Variants in CDH18 observed in about 807,000 individuals in gnomAD.
CDH18 encodes the protein cadherin-18.
A neutral mutation model predicts 67.9 loss-of-function variants in CDH18; 31 were observed. The ratio of observed to expected loss-of-function variants is 0.46; its 90% CI spans 0.34 to 0.62. The LOEUF is 0.62. CDH18 is among the 20% of genes least tolerant of loss of function. The pLI, the probability that CDH18 is intolerant of heterozygous loss-of-function variation, is 0.01. For missense variants in CDH18, 890 were observed against 975.5 expected (o/e 0.91, Z 1.17); for synonymous variants, 362 against 347.2 (o/e 1.04, Z -0.48).
intron 2 of CDH18, among the ~76,000 whole-genome samples, chr5:19,994,855 TAGAGAGAG>T (rs1554078420): frequency 1.2e-4 from 8 of 67,586 alleles, no homozygotes; most frequent in Non-Finnish European, 1.8e-4. Flanking sequence ...TATATATATA[TAGAGAGAG>T]AGAGAGAGAG....
At chr5:19,880,184 C>G (rs1039290774) in intron 2 of CDH18, among the ~76,000 whole-genome samples, 3 of 151,710 alleles carry the variant, frequency 2.0e-5, no homozygotes, top group African/African-American at 7.3e-5. Context: ...CTAACTGACC[C>G]AAAACCACAC....
chr5:20,337,021 G>A (rs894334637), intron 1 of CDH18, among the ~76,000 whole-genome samples: 2 of 152,236 alleles, frequency 1.3e-5, no homozygotes, highest in African/African-American at 4.8e-5. Context: ...TTTGGGCAAA[G>A]CCCATAGAAG....
Position 19,994,855 on chromosome 5 carries a change from T to TATATATAGAGAG in CDH18, c.-517-2842_-517-2841insCTCTCTATATAT, listed in dbSNP as rs760777430. ...ATATATATATATATATATATATATA[T>TATATATAGAGAG]AGAGAGAGAGAGAGAGAGAGAGATG... is the stretch of plus-strand genomic sequence containing the variant. On this transcript the variant is annotated intron_variant, in intron 2 of 14. Coordinates refer to the CDH18 transcript ENST00000507958. Among the ~76,000 whole-genome samples, 84 of 67,582 alleles carry TATATATAGAGAG rather than the reference T, an allele frequency of 1.2e-3. 6 individuals carry two copies. The highest frequency in any genetic ancestry group is 0.012 in the East Asian group (22 of 1,870). 44.3% of individuals were successfully genotyped at this position (67,582 alleles called of 152,430 possible). A position where few individuals can be genotyped will look rare whatever the true frequency, so the allele number is the denominator to read the frequency against.
At chr5:20,094,950 T>C (rs1251527826) in intron 2 of CDH18, among the ~76,000 whole-genome samples, 1 of 152,094 alleles carries the variant, frequency 6.6e-6, no homozygotes. Flanking sequence ...ATGTGGCACA[T>C]ATATACCATG....
At chr5:20,280,183 T>A (rs910831532) in intron 1 of CDH18, among the ~76,000 whole-genome samples, 4 of 151,896 alleles carry the variant, frequency 2.6e-5, no homozygotes, top group African/African-American at 9.7e-5. Flanking sequence ...TTTATTTATT[T>A]ATTTATTTTA....
At chr5:20,138,664 C>T (rs147212183) in intron 2 of CDH18, among the ~76,000 whole-genome samples, 1,765 of 152,206 alleles carry the variant, frequency 0.012, 28 homozygotes, top group African/African-American at 0.04. Context: ...TTCCTATACA[C>T]CAATAGCAGA....
At chr5:19,994,867 G>T (rs1316373162) in intron 2 of CDH18, among the ~76,000 whole-genome samples, 6 of 135,084 alleles carry the variant, frequency 4.4e-5, no homozygotes, top group Non-Finnish European at 6.3e-5. Context: ...GAGAGAGAGA[G>T]AGAGAGAGAG....
At chr5:20,450,900 A>G (rs541363206) in intron 1 of CDH18, among the ~76,000 whole-genome samples, 113 of 152,306 alleles carry the variant, frequency 7.4e-4, no homozygotes, top group African/African-American at 2.6e-3. Context: ...GAGCAAAGTC[A>G]CGTCTTACAT....
chr5:19,612,385 T>C lies in CDH18; in HGVS notation c.811+49A>G, dbSNP rs569601039. Reference sequence around the variant, plus strand: ...ACTGTTCAAGTATTTCATTTTACTTTACATAAAGAGATAATGATAAATTCA... The same window carrying C: ...ACTGTTCAAGTATTTCATTTTACTTCACATAAAGAGATAATGATAAATTCA... On this transcript the variant is annotated intron_variant, in intron 6 of 12. Coordinates refer to ENST00000382275, the MANE Select transcript of CDH18 (RefSeq NM_004934.5). The C allele has an allele frequency of 5.0e-5, 79 of 1,567,676 alleles. 2 individuals carry two copies. In the South Asian group the frequency reaches 8.5e-4, roughly 17 times the overall value.
intron 1 of CDH18, among the ~76,000 whole-genome samples, chr5:20,392,265 A>G (rs916688576): frequency 1.3e-5 from 2 of 151,878 alleles, no homozygotes; most frequent in African/African-American, 4.8e-5. Flanking sequence ...AATTTGAAAA[A>G]GTTTTTAAAA....
chr5:19,935,398 T>C (rs77643679), intron 2 of CDH18, among the ~76,000 whole-genome samples: 2,496 of 151,440 alleles, frequency 0.016, 75 homozygotes, highest in African/African-American at 0.057. Context: ...AGTGGTCCTA[T>C]AAGATTTTGC....
chr5:19,786,027 C>T (rs1258782679), intron 3 of CDH18, among the ~76,000 whole-genome samples: 2 of 151,662 alleles, frequency 1.3e-5, no homozygotes, highest in Non-Finnish European at 2.9e-5. Flanking sequence ...ATTACAGTAA[C>T]GAGACATATT....
intron 2 of CDH18, among the ~76,000 whole-genome samples, chr5:20,103,826 G>C (rs984860331): frequency 1.4e-5 from 2 of 147,212 alleles, no homozygotes; most frequent in East Asian, 2.0e-4. Context: ...AAAAAAACTT[G>C]AGAAGAAGAA....
At chr5:19,751,654 A>C (rs1770858705) in intron 3 of CDH18, among the ~76,000 whole-genome samples, 1 of 152,236 alleles carries the variant, frequency 6.6e-6, no homozygotes, top group African/African-American at 2.4e-5. Context: ...CTGATGTGAA[A>C]TAAAACACAT....
At chr5:19,614,170 T>C (rs1749454948) in intron 5 of CDH18, among the ~76,000 whole-genome samples, 1 of 152,000 alleles carries the variant, frequency 6.6e-6, no homozygotes, top group Admixed American at 6.6e-5. Flanking sequence ...ATGACTTGTT[T>C]TGTCATATTT....
chr5:20,478,898 T>C (rs967155817), intron 1 of CDH18, among the ~76,000 whole-genome samples: 1 of 152,134 alleles, frequency 6.6e-6, no homozygotes, highest in Non-Finnish European at 1.5e-5. Context: ...CTCAGATGAC[T>C]CAGCTCAGAA....
intron 2 of CDH18, among the ~76,000 whole-genome samples, chr5:19,921,301 G>T (rs1792431353): frequency 6.6e-6 from 1 of 152,134 alleles, no homozygotes; most frequent in African/African-American, 2.4e-5. Flanking sequence ...GGAGGCCAAG[G>T]CGGGCGGATC....
intron 11 of CDH18, among the ~76,000 whole-genome samples, chr5:19,485,737 T>C (rs1295787557): frequency 2.6e-5 from 4 of 152,148 alleles, no homozygotes; most frequent in Non-Finnish European, 5.9e-5. Flanking sequence ...CTATGGGAAA[T>C]GTGTGAAATA....
intron 2 of CDH18, among the ~76,000 whole-genome samples, chr5:20,192,776 A>G (rs1475255440): frequency 6.6e-6 from 1 of 152,160 alleles, no homozygotes; most frequent in African/African-American, 2.4e-5. Flanking sequence ...ATTTGAGGTC[A>G]GGTAGCATGA....
Sources: gnomAD v4.1 joint callset for allele counts (sites outside exome capture counted in the v4.1 genomes callset) on GRCh38, gnomAD v4.1.1 for gene constraint, MANE v1.5 for transcripts, NCBI Gene and HGNC (gene_info 2026-07-23, HGNC 2026-07-21) for gene names.